The following KIF3C variants were observed in gnomAD, a reference collection of about 807,000 sequenced individuals.
KIF3C encodes kinesin family member 3C, also known as kinesin-like protein KIF3C.
Under a neutral mutation model 67.7 loss-of-function variants are expected in KIF3C, and 12 were observed. The observed-to-expected ratio is 0.18, with a 90% CI of 0.11 to 0.29. The LOEUF is 0.29. Ranked by LOEUF, KIF3C falls within the 10% of genes least tolerant of loss-of-function variation. The pLI, the probability that KIF3C is intolerant of heterozygous loss-of-function variation, is 1.00. For missense variants in KIF3C, 789 were observed against 1,059.6 expected, an observed-to-expected ratio of 0.74 and a Z score of 3.55; for synonymous variants, 393 against 426.2, an observed-to-expected ratio of 0.92 and a Z score of 0.96.
At chr2:25,946,629 A>T (rs937466725) in intron 5 of KIF3C, among the ~76,000 whole-genome samples, 12 of 152,316 alleles carry the variant, frequency 7.9e-5, no homozygotes, top group Admixed American at 7.2e-4. Context: ...CGGAGGTTGC[A>T]GTGAGCCAAG....
At chr2:25,974,872 T>C (rs1414890512) in intron 1 of KIF3C, among the ~76,000 whole-genome samples, 3 of 151,594 alleles carry the variant, frequency 2.0e-5, no homozygotes, top group African/African-American at 7.3e-5. Flanking sequence ...ACTAAAAATA[T>C]AAAATTAGCT....
At chr2:25,934,508 G>C (rs537194548) in intron 5 of KIF3C, among the ~76,000 whole-genome samples, 3 of 151,924 alleles carry the variant, frequency 2.0e-5, no homozygotes, top group African/African-American at 7.3e-5. Context: ...GAACCCGGGA[G>C]GCAGAGGTTG....
At chr2:25,948,604 A>AAAG (rs1663505924) in intron 5 of KIF3C, among the ~76,000 whole-genome samples, 1 of 137,612 alleles carries the variant, frequency 7.3e-6, no homozygotes, top group Non-Finnish European at 1.6e-5. Flanking sequence ...AAGAGAAAGA[A>AAAG]AGAAAGAGAA....
At position 25,950,569 on chromosome 2, in the gene KIF3C, G is replaced by A. The variant is rs77465564; in HGVS notation, c.2006+1220C>T. On this transcript the variant is annotated intron_variant, in intron 5 of 7. Transcript: ENST00000264712. ...AGATAACCCTTCAGAGTGAAGCCTC[G>A]CCAGCATCCAACTCCAGCAAATGTC... Among the ~76,000 whole-genome samples the A allele has an allele frequency of 1.8e-4, 27 of 152,088 alleles. No homozygotes were observed. The East Asian group carries it at 4.8e-3, about 27-fold the overall frequency.
chr2:25,980,813 G>C lies in KIF3C; in HGVS notation c.1105C>G (p.Pro369Ala). 3.1e-6 allele frequency: 5 copies of C among 1,614,200 alleles called. No individual in the cohort carries two copies. The highest frequency in any genetic ancestry group is 3.4e-6 in the Non-Finnish European group (4 of 1,180,038). The change falls in exon 1 of 8, where the codon CCC becomes GCC. Residue 369 changes from proline (P) to alanine (A), a missense_variant. Pro to Ala is a conservative substitution (Grantham distance 27). Coordinates refer to ENST00000264712, the MANE Select transcript of KIF3C (RefSeq NM_002254.8). The surrounding 1 kb of genome is among the most constrained non-coding windows in gnomAD (Gnocchi z 7.6). ...TCCTTGGGGTCCTCGTTCACCCGGG[G>C]CTTGTTCTTGATGTTCTTGGCTCGG... ...ANRAKNIKNK[P>A]RVNEDPKDTL...
chr2:25,935,844 A>G (rs1663093689), intron 5 of KIF3C, among the ~76,000 whole-genome samples: 1 of 151,964 alleles, frequency 6.6e-6, no homozygotes, highest in Admixed American at 6.6e-5. Context: ...TTGGGAGGCC[A>G]AGGTGGGTGG....
intron 5 of KIF3C, among the ~76,000 whole-genome samples, chr2:25,947,972 G>C (rs928472000): frequency 6.6e-6 from 1 of 152,178 alleles, no homozygotes; most frequent in Non-Finnish European, 1.5e-5. Context: ...AATAGCCTGG[G>C]CTCAAGCAAT....
intron 5 of KIF3C, among the ~76,000 whole-genome samples, chr2:25,942,091 C>T (rs540681199): frequency 3.3e-5 from 5 of 152,248 alleles, no homozygotes; most frequent in African/African-American, 1.2e-4. Flanking sequence ...GGCACAGTGG[C>T]TCATGCCTAT....
intron 1 of KIF3C, among the ~76,000 whole-genome samples, chr2:25,963,204 T>TATATAGA (rs1664051723): frequency 1.3e-5 from 1 of 78,932 alleles, no homozygotes; most frequent in African/African-American, 5.8e-5. Context: ...ATATTTTTTT[T>TATATAGA]TTTTTTTTTT....
At chr2:25,943,669 A>G (rs1445756493) in intron 5 of KIF3C, among the ~76,000 whole-genome samples, 1 of 151,990 alleles carries the variant, frequency 6.6e-6, no homozygotes. Flanking sequence ...CAGGCTGGAG[A>G]TGGAGAGTAG....
In KIF3C at chr2:25,982,040, T is replaced by A. The variant is rs945903984; in HGVS notation, c.-123A>T. ...CCCAGGCGCAGCTCTTCAATCCGCA[T>A]GCAGCCTCCTAGGGTGGGGACGCTG... On this transcript the variant is annotated 5_prime_UTR_variant, in exon 1 of 8. An upstream start codon of the reference 5' UTR is lost. Coordinates refer to ENST00000264712, the MANE Select transcript of KIF3C (RefSeq NM_002254.8). 7 of 747,152 alleles carry A rather than the reference T, an allele frequency of 9.4e-6. No homozygotes were observed. Among genetic ancestry groups the A allele is most frequent in the Non-Finnish European group, 1.5e-5 (7 of 472,650 alleles). 46.3% of individuals were successfully genotyped at this position (747,152 alleles called of 1,614,324 possible). A position where few individuals can be genotyped will look rare whatever the true frequency, so the allele number is the denominator to read the frequency against.
chr2:25,958,750 G>C lies in KIF3C; in HGVS notation c.1546-2306C>G, dbSNP rs773825311. Among the ~76,000 whole-genome samples the C allele has an allele frequency of 6.6e-6, 1 of 152,176 alleles. No individual in the cohort carries two copies. The highest frequency in any genetic ancestry group is 1.5e-5 in the Non-Finnish European group (1 of 68,032). On this transcript the variant is annotated intron_variant, in intron 1 of 7. Coordinates refer to ENST00000264712, the MANE Select transcript of KIF3C (RefSeq NM_002254.8). The surrounding 1 kb of genome is among the most constrained non-coding windows in gnomAD (Gnocchi z 4.5). ...CTCTTACTATTCATGCTCTGCGTAT[G>C]CTCTGTACTCCAGCCTCACCAAGAG...
At position 25,944,085 on chromosome 2, in the gene KIF3C, T is replaced by C. The variant is rs960686277; in HGVS notation, c.2006+7704A>G. Among the ~76,000 whole-genome samples the C allele has an allele frequency of 3.9e-5, 6 of 152,182 alleles. No individual in the cohort carries two copies. In the East Asian group the frequency reaches 1.2e-3, roughly 29 times the overall value. On this transcript the variant is annotated intron_variant, in intron 5 of 7. Transcript: ENST00000264712. ...TTCATAGATATGTAATCTTGCTCTGTGGCCCAGGCTGGAGTGCAATGGCAT... is the reference window on the plus strand; with the variant it reads ...TTCATAGATATGTAATCTTGCTCTGCGGCCCAGGCTGGAGTGCAATGGCAT...
chr2:25,936,183 TAAA>T, intron 5 of KIF3C, among the ~76,000 whole-genome samples: 1 of 152,134 alleles, frequency 6.6e-6, no homozygotes, highest in East Asian at 1.9e-4. Flanking sequence ...AAAGAGCAAA[TAAA>T]AAGATGAAGT....
intron 5 of KIF3C, among the ~76,000 whole-genome samples, chr2:25,931,648 C>CT (rs570803025): frequency 3.8e-4 from 56 of 148,030 alleles, no homozygotes; most frequent in Middle Eastern, 3.4e-3. Context: ...GCTTTATATA[C>CT]TTTTTTTTTT....
intron 1 of KIF3C, among the ~76,000 whole-genome samples, chr2:25,960,326 C>A (rs1663914077): frequency 6.6e-6 from 1 of 152,130 alleles, no homozygotes; most frequent in East Asian, 1.9e-4. Flanking sequence ...TTTGGATGCA[C>A]ATAAATGTCT....
Position 25,955,521 on chromosome 2 carries a change from G to A in KIF3C, c.1770+20C>T. 1 of 1,613,694 alleles carries A rather than the reference G, an allele frequency of 6.2e-7. No individual in the cohort carries two copies. The highest frequency in any genetic ancestry group is 8.5e-7 in the Non-Finnish European group (1 of 1,179,770). ...CTGGGCCTCCAGCACACCTTAACCG[G>A]TCCTGCTGCAGCGTCTCACCTTCTT... On this transcript the variant is annotated intron_variant, in intron 3 of 7. Transcript: ENST00000264712. This position sits in a 1 kb window ranked among gnomAD's most constrained non-coding sequence, Gnocchi z 5.0.
chr2:25,935,993 T>C (rs1253887898), intron 5 of KIF3C, among the ~76,000 whole-genome samples: 1 of 151,010 alleles, frequency 6.6e-6, no homozygotes, highest in Non-Finnish European at 1.5e-5. Context: ...AGGCTGAGAC[T>C]GGAGAATCGC....
Position 25,927,866 on chromosome 2 carries a change from G to C in KIF3C, c.*1112C>G, listed in dbSNP as rs1364534967. 1 of 152,400 alleles carries C rather than the reference G, an allele frequency of 6.6e-6. No homozygotes were observed. The highest frequency in any genetic ancestry group is 2.4e-5 in the African/African-American group (1 of 41,340). The allele number at this position is 152,400 out of a possible 1,614,324, so 9.4% of individuals were successfully genotyped here. A position where few individuals can be genotyped will look rare whatever the true frequency, so the allele number is the denominator to read the frequency against. Reference sequence around the variant, plus strand: ...AAGGAAGGTAAGGAGTATCCCCCTAGGAACCAATTTGCGTAACTAGTGAAT... The same window carrying C: ...AAGGAAGGTAAGGAGTATCCCCCTACGAACCAATTTGCGTAACTAGTGAAT... On this transcript the variant is annotated 3_prime_UTR_variant, in exon 8 of 8. Coordinates refer to ENST00000264712, the MANE Select transcript of KIF3C (RefSeq NM_002254.8).
Sources: allele counts gnomAD v4.1 joint callset (sites outside exome capture counted in the v4.1 genomes callset), GRCh38; gene constraint gnomAD v4.1.1; non-coding constraint Gnocchi (gnomAD v3.1); transcripts MANE v1.5; gene names NCBI Gene and HGNC (gene_info 2026-07-23, HGNC 2026-07-21).